Variants in PIP5K1B observed in about 807,000 individuals in gnomAD.
PIP5K1B encodes the protein phosphatidylinositol-4-phosphate 5-kinase type 1 beta, also known as phosphatidylinositol 4-phosphate 5-kinase type-1 beta.
Under a neutral mutation model 67.0 loss-of-function variants are expected in PIP5K1B, and 42 were observed. The ratio of observed to expected loss-of-function variants is 0.63; its 90% confidence interval spans 0.49 to 0.81. The LOEUF (loss-of-function observed/expected upper bound fraction) is 0.81. Among genes scored for constraint, PIP5K1B ranks in the 30% least tolerant of loss-of-function variants. PIP5K1B has a pLI of 0.00. For missense variants in PIP5K1B, 459 were observed against 646.3 expected, an observed-to-expected ratio of 0.71 and a Z score of 3.14; for synonymous variants, 214 against 231.4, an observed-to-expected ratio of 0.92 and a Z score of 0.68.
chr9:68,936,375 T>G (rs1827267665), intron 13 of PIP5K1B, among the ~76,000 whole-genome samples: 1 of 16,790 alleles, frequency 6.0e-5, no homozygotes, highest in African/African-American at 8.6e-5. Context: ...TTGCTAAAAG[T>G]TTTTTTTTTA....
chr9:68,929,977 G>T (rs1826910920), intron 12 of PIP5K1B, among the ~76,000 whole-genome samples: 1 of 152,118 alleles, frequency 6.6e-6, no homozygotes, highest in South Asian at 2.1e-4. Context: ...GCCTCTTTCA[G>T]TCTTCTTAAA....
chr9:69,005,631 G>A (rs1445490047), intron 15 of PIP5K1B, among the ~76,000 whole-genome samples: 2 of 151,994 alleles, frequency 1.3e-5, no homozygotes, highest in African/African-American at 4.8e-5. Flanking sequence ...CGCCTGCCTC[G>A]GCCTCCCAAA....
At chr9:68,753,515 CTTTT>C (rs71500334) in intron 2 of PIP5K1B, among the ~76,000 whole-genome samples, 7 of 38,282 alleles carry the variant, frequency 1.8e-4, no homozygotes, top group East Asian at 1.1e-3. Context: ...AATTTTGTTT[CTTTT>C]TTTTTTTTTT....
intron 6 of PIP5K1B, among the ~76,000 whole-genome samples, chr9:68,886,726 T>C (rs996865198): frequency 2.6e-5 from 4 of 152,212 alleles, no homozygotes; most frequent in African/African-American, 2.4e-5. Flanking sequence ...CAACAGTCTA[T>C]GAATTATGCT....
intron 2 of PIP5K1B, among the ~76,000 whole-genome samples, chr9:68,779,594 C>T (rs1831107583): frequency 6.6e-6 from 1 of 152,210 alleles, no homozygotes; most frequent in Non-Finnish European, 1.5e-5. Flanking sequence ...TCACGTCAGG[C>T]CAGCCCTCAC....
intron 15 of PIP5K1B, among the ~76,000 whole-genome samples, chr9:68,991,549 G>C (rs1007269452): frequency 6.6e-6 from 1 of 152,220 alleles, no homozygotes; most frequent in African/African-American, 2.4e-5. Context: ...GCGAGGAAAT[G>C]TTTCCCTTTG....
In PIP5K1B at chr9:68,875,683, T is replaced by G. The variant is rs539246867; in HGVS notation, c.201-994T>G. Among the ~76,000 whole-genome samples, 113 of 152,328 alleles carry G rather than the reference T, an allele frequency of 7.4e-4. 1 individual carries two copies. Among genetic ancestry groups the G allele is most frequent in the Middle Eastern group, 3.4e-3 (1 of 294 alleles). ...TGTGGTATCCATAAAAAGCAGACCA[T>G]GATAAACTTGCATAGGCTCTCAATG... On this transcript the variant is annotated intron_variant, in intron 5 of 15. Coordinates refer to ENST00000265382, the MANE Select transcript of PIP5K1B (RefSeq NM_003558.4).
intron 2 of PIP5K1B, among the ~76,000 whole-genome samples, chr9:68,806,303 G>A (rs1832867767): frequency 6.6e-6 from 1 of 152,174 alleles, no homozygotes; most frequent in South Asian, 2.1e-4. Context: ...GCACTCCTCA[G>A]TCCCTGGCTT....
At chr9:68,954,621 G>A (rs1355646693) in intron 14 of PIP5K1B, among the ~76,000 whole-genome samples, 1 of 152,152 alleles carries the variant, frequency 6.6e-6, no homozygotes, top group African/African-American at 2.4e-5. Context: ...AGCTTTGATT[G>A]GTATCTCATC....
chr9:68,720,008 G>T (rs531547000), intron 1 of PIP5K1B, among the ~76,000 whole-genome samples: 9 of 152,166 alleles, frequency 5.9e-5, no homozygotes, highest in South Asian at 4.2e-4. Flanking sequence ...TCATTTGTCC[G>T]CCTCCTTACT....
intron 1 of PIP5K1B, among the ~76,000 whole-genome samples, chr9:68,713,610 A>AGAAAT (rs1392137967): frequency 6.6e-6 from 1 of 152,144 alleles, no homozygotes; most frequent in East Asian, 1.9e-4. Flanking sequence ...ATATGAGGGG[A>AGAAAT]GAAATGAAAA....
chr9:68,721,614 A>T (rs1827886321), intron 1 of PIP5K1B, among the ~76,000 whole-genome samples: 1 of 152,150 alleles, frequency 6.6e-6, no homozygotes, highest in African/African-American at 2.4e-5. Context: ...TGGCTGTAAG[A>T]TCAATCCATG....
At chr9:68,821,982 G>A (rs1009624220) in intron 3 of PIP5K1B, among the ~76,000 whole-genome samples, 3 of 152,138 alleles carry the variant, frequency 2.0e-5, no homozygotes, top group Non-Finnish European at 2.9e-5. Flanking sequence ...AGATAGTATT[G>A]TAAGTTTTTT....
At position 68,991,223 on chromosome 9, in the gene PIP5K1B, A is replaced by G; in HGVS notation, c.1586A>G (p.Gln529Arg). ...LTAEPNTLEV[Q>R]DDNASVLDVY... ...GCTGAGCCCAACACTCTGGAAGTGC[A>G]GGATGACAATGCTTCTGTGCTTGAC... The change falls in exon 15 of 16, where the codon CAG becomes CGG. Residue 529 changes from glutamine (Q) to arginine (R), a missense_variant. Coordinates refer to ENST00000265382, the MANE Select transcript of PIP5K1B (RefSeq NM_003558.4). 1 of 1,608,958 alleles carries G rather than the reference A, an allele frequency of 6.2e-7. No individual in the cohort carries two copies. Among genetic ancestry groups the G allele is most frequent in the Non-Finnish European group, 8.5e-7 (1 of 1,175,194 alleles).
intron 1 of PIP5K1B, among the ~76,000 whole-genome samples, chr9:68,721,386 TTGA>T (rs763870835): frequency 3.3e-5 from 5 of 152,154 alleles, no homozygotes; most frequent in Non-Finnish European, 7.3e-5. Context: ...TTTCTAGGAC[TTGA>T]TGACCACCTG....
chr9:68,952,901 G>A (rs1030615469), intron 14 of PIP5K1B, among the ~76,000 whole-genome samples: 1 of 150,106 alleles, frequency 6.7e-6, no homozygotes, highest in African/African-American at 2.5e-5. Context: ...GCAGAAACCT[G>A]TAAACTCTTT....
At chr9:68,793,516 T>C (rs1313289531) in intron 2 of PIP5K1B, among the ~76,000 whole-genome samples, 3 of 152,142 alleles carry the variant, frequency 2.0e-5, no homozygotes, top group African/African-American at 7.2e-5. Context: ...CCAACAGATT[T>C]TGCTGGTAGA....
intron 8 of PIP5K1B, among the ~76,000 whole-genome samples, chr9:68,902,084 A>G (rs1040964851): frequency 6.6e-6 from 1 of 152,188 alleles, no homozygotes; most frequent in African/African-American, 2.4e-5. Flanking sequence ...ACTTTGGTAC[A>G]ACCTACTGAC....
Position 68,926,302 on chromosome 9 carries a change from G to A in PIP5K1B, c.1201+2916G>A, listed in dbSNP as rs112771201. On this transcript the variant is annotated intron_variant, in intron 12 of 15. Transcript: ENST00000265382. ...ATATAAATTAATGGTACAATCAATG[G>A]CATCTTCAGTTTCATAAAATATGGC... 4.1e-4 allele frequency among the ~76,000 whole-genome samples: 62 copies of A among 152,044 alleles called. 1 individual carries two copies. Among genetic ancestry groups the A allele is most frequent in the African/African-American group, 1.4e-3 (57 of 41,462 alleles).
Sources: gnomAD v4.1 joint callset for allele counts (sites outside exome capture counted in the v4.1 genomes callset) on GRCh38, gnomAD v4.1.1 for gene constraint, MANE v1.5 for transcripts, NCBI Gene and HGNC (gene_info 2026-07-23, HGNC 2026-07-21) for gene names.